Variants in CCDC148 observed in about 807,000 individuals in gnomAD.
CCDC148 encodes coiled-coil domain containing 148.
In CCDC148, 89 loss-of-function variants were observed where a neutral mutation model predicts 85.7. The observed-to-expected ratio is 1.04, with a 90% confidence interval of 0.87 to 1.24. The LOEUF (loss-of-function observed/expected upper bound fraction) is 1.24, where lower values mean the gene tolerates loss of function less well. Among genes scored for constraint, CCDC148 ranks in the 50% most tolerant of loss-of-function variants. The pLI, the probability that CCDC148 is intolerant of heterozygous loss-of-function variation, is 0.00. For missense variants in CCDC148, 692 were observed against 671.7 expected, an observed-to-expected ratio of 1.03 and a Z score of -0.33; for synonymous variants, 230 against 213.9, an observed-to-expected ratio of 1.08 and a Z score of -0.66.
chr2:158,272,668 C>A (rs1177160643), intron 9 of CCDC148, among the ~76,000 whole-genome samples: 1 of 152,148 alleles, frequency 6.6e-6, no homozygotes, highest in Non-Finnish European at 1.5e-5. Flanking sequence ...GAGGATGAGG[C>A]AGCCAAATGC....
intron 9 of CCDC148, among the ~76,000 whole-genome samples, chr2:158,308,166 C>A (rs1398792296): frequency 6.6e-6 from 1 of 152,080 alleles, no homozygotes. Flanking sequence ...GATTGTTGAC[C>A]GTTTTTGACC....
chr2:158,353,963 G>A (rs915835502), intron 2 of CCDC148, among the ~76,000 whole-genome samples: 2 of 152,144 alleles, frequency 1.3e-5, no homozygotes, highest in Non-Finnish European at 2.9e-5. Context: ...TGAACAACCT[G>A]CTCCTGAATG....
At chr2:158,414,931 T>C (rs1686427136) in intron 1 of CCDC148, among the ~76,000 whole-genome samples, 1 of 152,112 alleles carries the variant, frequency 6.6e-6, no homozygotes, top group Admixed American at 6.5e-5. Context: ...TTCATTGAGA[T>C]AGACATGAAT....
chr2:158,198,362 T>C lies in CCDC148; in HGVS notation c.1371-19366A>G, dbSNP rs564550389. On this transcript the variant is annotated intron_variant, in intron 11 of 13. Transcript: ENST00000283233. ...GGTAGTAGACACTCAATAATAATTATTAAATGTGTAAACCAAATAAGTTGG... is the reference window on the plus strand; with the variant it reads ...GGTAGTAGACACTCAATAATAATTACTAAATGTGTAAACCAAATAAGTTGG... Among the ~76,000 whole-genome samples the C allele has an allele frequency of 3.9e-5, 6 of 152,342 alleles. No homozygotes were observed. In the East Asian group the frequency reaches 1.2e-3, roughly 29 times the overall value.
intron 11 of CCDC148, among the ~76,000 whole-genome samples, chr2:158,190,196 G>A (rs1239952515): frequency 6.6e-6 from 1 of 151,810 alleles, no homozygotes; most frequent in Non-Finnish European, 1.5e-5. Context: ...CCAAACTGAG[G>A]CATGACATCC....
At chr2:158,450,060 A>G (rs1167506378) in intron 1 of CCDC148, among the ~76,000 whole-genome samples, 3 of 150,964 alleles carry the variant, frequency 2.0e-5, no homozygotes, top group African/African-American at 7.3e-5. Context: ...ATGATGTATT[A>G]GTAGGTACTG....
At chr2:158,440,960 T>C (rs1257496822) in intron 1 of CCDC148, among the ~76,000 whole-genome samples, 1 of 152,078 alleles carries the variant, frequency 6.6e-6, no homozygotes, top group African/African-American at 2.4e-5. Flanking sequence ...GTCAGGAGCA[T>C]TGCTTGACAG....
At chr2:158,245,525 C>T (rs1688534521) in intron 10 of CCDC148, among the ~76,000 whole-genome samples, 1 of 152,148 alleles carries the variant, frequency 6.6e-6, no homozygotes. Flanking sequence ...AAACGCTAGA[C>T]GAGGGGAGAG....
chr2:158,345,127 T>C (rs1682927679), intron 3 of CCDC148, 88 bp downstream of exon 3: 1 of 843,712 alleles, frequency 1.2e-6, no homozygotes, highest in African/African-American at 1.8e-5. Flanking sequence ...TAATGGTTAA[T>C]TAACATGGAA....
rs149110368 is a variant in CCDC148, at chr2:158,235,772, T to C, written c.1251+15000A>G. The C allele has an allele frequency of 1.8e-3, 268 of 152,294 alleles. 1 individual carries two copies. The highest frequency in any genetic ancestry group is 6.0e-3 in the African/African-American group (250 of 41,566). The allele number at this position is 152,294 out of a possible 1,614,324, so 9.4% of individuals were successfully genotyped here. A position where few individuals can be genotyped will look rare whatever the true frequency, so the allele number is the denominator to read the frequency against. On this transcript the variant is annotated intron_variant, in intron 10 of 13. Transcript: ENST00000283233. ...GAAAATTAGGATAAGTTAAGAAGAATGTAATAAGCGGACAACCGACAAAGG... is the reference window on the plus strand; with the variant it reads ...GAAAATTAGGATAAGTTAAGAAGAACGTAATAAGCGGACAACCGACAAAGG...
At chr2:158,224,133 T>C (rs1285421915) in intron 10 of CCDC148, among the ~76,000 whole-genome samples, 2 of 152,032 alleles carry the variant, frequency 1.3e-5, no homozygotes, top group African/African-American at 4.8e-5. Context: ...AAGGACCTGA[T>C]GGAGCTGAAA....
intron 10 of CCDC148, among the ~76,000 whole-genome samples, chr2:158,249,053 CCTGTGTAGCCATG>C (rs1688683991): frequency 1.3e-5 from 2 of 152,220 alleles, no homozygotes; most frequent in Admixed American, 1.3e-4. Context: ...TCCATCCTCT[CCTGTGTAGCCATG>C]CCAGTTCCTC....
At chr2:158,232,182 A>G (rs1016298103) in intron 10 of CCDC148, among the ~76,000 whole-genome samples, 14 of 152,206 alleles carry the variant, frequency 9.2e-5, no homozygotes, top group Non-Finnish European at 1.6e-4. Context: ...TTACTATTAT[A>G]CTTCTGATTT....
intron 11 of CCDC148, among the ~76,000 whole-genome samples, chr2:158,215,784 A>G (rs190804886): frequency 1.1e-3 from 166 of 152,108 alleles, no homozygotes; most frequent in Admixed American, 9.2e-4. Context: ...CTCAAAATTC[A>G]TATGTTGAGG....
chr2:158,220,492 T>C (rs1356958769), intron 11 of CCDC148, 103 bp downstream of exon 11: 1 of 728,026 alleles, frequency 1.4e-6, no homozygotes, highest in Non-Finnish European at 2.3e-6. Context: ...AAAGGATACA[T>C]TAAGTATAGA....
At chr2:158,411,288 C>T (rs1686248223) in intron 1 of CCDC148, among the ~76,000 whole-genome samples, 1 of 151,520 alleles carries the variant, frequency 6.6e-6, no homozygotes, top group African/African-American at 2.4e-5. Flanking sequence ...CCTATTCTTT[C>T]TCTCTCTTCT....
intron 10 of CCDC148, among the ~76,000 whole-genome samples, chr2:158,240,237 T>C (rs1040835503): frequency 2.0e-5 from 3 of 151,954 alleles, no homozygotes; most frequent in Admixed American, 6.6e-5. Context: ...ATACTCCATA[T>C]TCTCAGGTTT....
At chr2:158,290,278 C>T (rs1262392453) in intron 9 of CCDC148, among the ~76,000 whole-genome samples, 1 of 152,174 alleles carries the variant, frequency 6.6e-6, no homozygotes, top group Non-Finnish European at 1.5e-5. Flanking sequence ...CCACTCAGGA[C>T]ACATTGTCAG....
chr2:158,436,299 A>C (rs937360890), intron 1 of CCDC148, among the ~76,000 whole-genome samples: 4 of 152,204 alleles, frequency 2.6e-5, no homozygotes, highest in African/African-American at 9.6e-5. Context: ...AGTGCAATCA[A>C]ACTAGAACTT....
Sources: gnomAD v4.1 joint callset for allele counts (sites outside exome capture counted in the v4.1 genomes callset) on GRCh38, gnomAD v4.1.1 for gene constraint, MANE v1.5 for transcripts, NCBI Gene and HGNC (gene_info 2026-07-23, HGNC 2026-07-21) for gene names.